Variants in DRC11 observed in about 807,000 individuals in gnomAD.
DRC11 encodes IQ and AAA domain-containing protein 1.
the DRC11 span, among the ~76,000 whole-genome samples, chr2:236,309,497 A>C: frequency 6.6e-6 from 1 of 152,154 alleles, no homozygotes; most frequent in African/African-American, 2.4e-5. This position sits in a 1 kb window ranked among gnomAD's most constrained non-coding sequence, Gnocchi z 5.7. Context: ...AGGCAGGGGC[A>C]GGAGGAGGTG....
chr2:236,443,414 T>C, the DRC11 span, among the ~76,000 whole-genome samples: 8 of 152,188 alleles, frequency 5.3e-5, no homozygotes, highest in Non-Finnish European at 1.2e-4. The surrounding 1 kb of genome is among the most constrained non-coding windows in gnomAD (Gnocchi z 4.4). Flanking sequence ...CCTCCATGTG[T>C]CTGTGGGGGA....
chr2:236,421,773 A>G, the DRC11 span, among the ~76,000 whole-genome samples: 6 of 152,352 alleles, frequency 3.9e-5, no homozygotes, highest in Admixed American at 2.6e-4. Flanking sequence ...AGAATTTTAG[A>G]CCAATATCCT....
At chr2:236,448,423 G>C in the DRC11 span, among the ~76,000 whole-genome samples, 1 of 152,006 alleles carries the variant, frequency 6.6e-6, no homozygotes, top group African/African-American at 2.4e-5. This position sits in a 1 kb window ranked among gnomAD's most constrained non-coding sequence, Gnocchi z 5.3. Flanking sequence ...TGTCGCCCGG[G>C]CTGGAGTGCA....
chr2:236,473,648 A>C, the DRC11 span, among the ~76,000 whole-genome samples: 1 of 152,206 alleles, frequency 6.6e-6, no homozygotes, highest in African/African-American at 2.4e-5. This position sits in a 1 kb window ranked among gnomAD's most constrained non-coding sequence, Gnocchi z 4.8. Flanking sequence ...AATGTATTAC[A>C]ATCATTAAGT....
At chr2:236,401,558 A>G in the DRC11 span, among the ~76,000 whole-genome samples, 2 of 152,222 alleles carry the variant, frequency 1.3e-5, no homozygotes, top group African/African-American at 4.8e-5. This position sits in a 1 kb window ranked among gnomAD's most constrained non-coding sequence, Gnocchi z 4.6. Context: ...ACAATGTGGT[A>G]TTTCCATACA....
chr2:236,454,558 C>G, the DRC11 span: 1 of 152,212 alleles, frequency 6.6e-6, no homozygotes, highest in Admixed American at 6.5e-5. The surrounding 1 kb of genome is among the most constrained non-coding windows in gnomAD (Gnocchi z 5.3). Context: ...TAATGAGCCT[C>G]TAACTCACCT....
chr2:236,424,822 C>A, the DRC11 span, among the ~76,000 whole-genome samples: 1 of 151,882 alleles, frequency 6.6e-6, no homozygotes, highest in Non-Finnish European at 1.5e-5. Context: ...CTGATCTTCC[C>A]CTCCCACCCT....
chr2:236,503,825 T>G, the DRC11 span: 6 of 819,254 alleles, frequency 7.3e-6, no homozygotes, highest in African/African-American at 3.4e-5. This position sits in a 1 kb window ranked among gnomAD's most constrained non-coding sequence, Gnocchi z 4.9. Flanking sequence ...CACTTTGCGC[T>G]CAGCCCATCT....
At chr2:236,423,150 T>TC in the DRC11 span, among the ~76,000 whole-genome samples, 1 of 151,496 alleles carries the variant, frequency 6.6e-6, no homozygotes, top group Non-Finnish European at 1.5e-5. Context: ...GGCAAGGACT[T>TC]CATGTCTAAA....
chr2:236,426,865 A>G, the DRC11 span, among the ~76,000 whole-genome samples: 1 of 152,190 alleles, frequency 6.6e-6, no homozygotes, highest in African/African-American at 2.4e-5. This position sits in a 1 kb window ranked among gnomAD's most constrained non-coding sequence, Gnocchi z 4.1. Context: ...TATCTTGTGC[A>G]GATCTTAGAG....
the DRC11 span, among the ~76,000 whole-genome samples, chr2:236,313,373 C>T: frequency 1.3e-5 from 2 of 152,092 alleles, no homozygotes; most frequent in African/African-American, 4.8e-5. This position sits in a 1 kb window ranked among gnomAD's most constrained non-coding sequence, Gnocchi z 4.5. Context: ...TCAATTATTA[C>T]ATATATATCA....
At chr2:236,370,496 C>T in the DRC11 span, among the ~76,000 whole-genome samples, 5 of 152,178 alleles carry the variant, frequency 3.3e-5, no homozygotes, top group South Asian at 2.1e-4. The surrounding 1 kb of genome is among the most constrained non-coding windows in gnomAD (Gnocchi z 5.5). Flanking sequence ...GGCATCCAGC[C>T]CCAGGCCCTG....
chr2:236,468,836 TTAA>T, the DRC11 span, among the ~76,000 whole-genome samples: 1 of 152,256 alleles, frequency 6.6e-6, no homozygotes, highest in Admixed American at 6.5e-5. Flanking sequence ...AAGTCTTGTA[TTAA>T]TAATGTCACA....
the DRC11 span, chr2:236,493,984 G>A: frequency 4.9e-5 from 50 of 1,022,878 alleles, no homozygotes; most frequent in African/African-American, 5.1e-4. Flanking sequence ...CATCAAAGAC[G>A]CTTGCTTTAC....
chr2:236,401,191 G>C, the DRC11 span, among the ~76,000 whole-genome samples: 1 of 152,120 alleles, frequency 6.6e-6, no homozygotes. This position sits in a 1 kb window ranked among gnomAD's most constrained non-coding sequence, Gnocchi z 4.6. Context: ...CTTTGCCCTT[G>C]CCGCCTCCTG....
At chr2:236,431,446 C>T in the DRC11 span, among the ~76,000 whole-genome samples, 2 of 152,262 alleles carry the variant, frequency 1.3e-5, no homozygotes, top group East Asian at 3.9e-4. This position sits in a 1 kb window ranked among gnomAD's most constrained non-coding sequence, Gnocchi z 4.2. Flanking sequence ...TGAGAACTCA[C>T]TCACTGTCAT....
the DRC11 span, among the ~76,000 whole-genome samples, chr2:236,443,085 G>T: frequency 6.6e-6 from 1 of 152,164 alleles, no homozygotes; most frequent in Non-Finnish European, 1.5e-5. The surrounding 1 kb of genome is among the most constrained non-coding windows in gnomAD (Gnocchi z 4.4). Flanking sequence ...CACATAGAAC[G>T]TTAAAAAGCT....
At chr2:236,487,027 T>G in the DRC11 span, 1 of 652,484 alleles carries the variant, frequency 1.5e-6, no homozygotes. Context: ...GCTGTCCATG[T>G]GTGTGCTGAT....
chr2:236,446,645 T>G, the DRC11 span, among the ~76,000 whole-genome samples: 1 of 152,212 alleles, frequency 6.6e-6, no homozygotes, highest in Non-Finnish European at 1.5e-5. This position sits in a 1 kb window ranked among gnomAD's most constrained non-coding sequence, Gnocchi z 6.2. Context: ...CCGTGGTGCC[T>G]GGGACCCACA....
Sources: gnomAD v4.1 joint callset for allele counts (sites outside exome capture counted in the v4.1 genomes callset) on GRCh38, gnomAD v4.1.1 for gene constraint, Gnocchi (gnomAD v3.1) non-coding constraint, MANE v1.5 for transcripts, NCBI Gene and HGNC (gene_info 2026-07-23, HGNC 2026-07-21) for gene names.